Variants in PCSK9 observed in about 807,000 individuals in gnomAD.
PCSK9 encodes convertase subtilisin/kexin type 9 preproprotein.
Under a neutral mutation model 62.1 loss-of-function variants are expected in PCSK9, and 57 were observed. The ratio of observed to expected loss-of-function variants is 0.92; its 90% CI spans 0.74 to 1.14. The LOEUF is 1.14. PCSK9 is among the 50% of genes most tolerant of loss of function. PCSK9 has a pLI of 0.00. For synonymous variants in PCSK9, 387 were observed against 409.4 expected (o/e 0.95, Z 0.66); for missense variants, 870 against 959.8 (o/e 0.91, Z 1.24).
intron 1 of PCSK9, among the ~76,000 whole-genome samples, chr1:55,042,995 C>T (rs1204773931): frequency 6.6e-6 from 1 of 152,194 alleles, no homozygotes; most frequent in Non-Finnish European, 1.5e-5. Flanking sequence ...CTTCTCTTGC[C>T]ATGTGATTGA....
In PCSK9 at chr1:55,058,209, G is replaced by C. The variant is rs1173147037; in HGVS notation, c.1354G>C (p.Gly452Arg). The change falls in exon 8 of 12, where the codon GGT (glycine) becomes CGT (arginine). Residue 452 changes from glycine to arginine, a missense_variant and splice_region_variant. Physicochemically the swap from Gly to Arg is moderately radical, Grantham distance 125. Coordinates refer to ENST00000302118, the MANE Select transcript of PCSK9 (RefSeq NM_174936.4). Reference sequence around the variant, plus strand: ...CCTGCCCCCCAGCACCCATGGGGCAGGTAAGCAGGATGGCAGGGTGGGCAA... The same window carrying C: ...CCTGCCCCCCAGCACCCATGGGGCACGTAAGCAGGATGGCAGGGTGGGCAA... ...AALPPSTHGA[G>R]WQLFCRTVWS... The C allele has an allele frequency of 6.2e-7, 1 of 1,611,666 alleles. No homozygotes were observed. The highest frequency in any genetic ancestry group is 1.1e-5 in the South Asian group (1 of 91,030).
At chr1:55,055,893 T>C in intron 5 of PCSK9, 100 bp from the exon 6 acceptor site, 7 of 1,228,390 alleles carry the variant, frequency 5.7e-6, no homozygotes, top group Non-Finnish European at 7.8e-6. Flanking sequence ...GGCCACAAAG[T>C]TGATCCCCAA....
At chr1:55,057,832 C>A (rs1644726833) in intron 7 of PCSK9, among the ~76,000 whole-genome samples, 1 of 152,212 alleles carries the variant, frequency 6.6e-6, no homozygotes, top group Non-Finnish European at 1.5e-5. Context: ...AAGACAGCAA[C>A]TACCAAGGCT....
At chr1:55,044,785 A>G (rs1206656044) in intron 2 of PCSK9, among the ~76,000 whole-genome samples, 4 of 152,184 alleles carry the variant, frequency 2.6e-5, no homozygotes, top group Non-Finnish European at 5.9e-5. Flanking sequence ...GGGCAGGGTC[A>G]GAGTCTGGAG....
At chr1:55,045,395 T>C (rs2495479) in intron 2 of PCSK9, among the ~76,000 whole-genome samples, 12,950 of 152,158 alleles carry the variant, frequency 0.085, 768 homozygotes, top group African/African-American at 0.16. Flanking sequence ...GTTATAATAA[T>C]TGGAACATTC....
chr1:55,045,634 G>A (rs1370129868), intron 2 of PCSK9, among the ~76,000 whole-genome samples: 5 of 152,064 alleles, frequency 3.3e-5, no homozygotes, highest in Admixed American at 6.5e-5. Context: ...GGAATCACCC[G>A]AGGGTTCACC....
chr1:55,043,503 G>A (rs1464410881), intron 1 of PCSK9, among the ~76,000 whole-genome samples: 2 of 152,218 alleles, frequency 1.3e-5, no homozygotes, highest in African/African-American at 2.4e-5. Flanking sequence ...CTGGGGCATG[G>A]GGGAGGGGGT....
At chr1:55,048,658 G>C (rs1289910389) in intron 3 of PCSK9, among the ~76,000 whole-genome samples, 1 of 152,196 alleles carries the variant, frequency 6.6e-6, no homozygotes, top group Non-Finnish European at 1.5e-5. Flanking sequence ...TTCATTCATG[G>C]GGAGGCCACA....
In PCSK9 at chr1:55,043,839, C is replaced by T. The variant is rs1644614434; in HGVS notation, c.208-4C>T. On this transcript the variant is annotated splice_polypyrimidine_tract_variant and splice_region_variant and intron_variant, in intron 1 of 11. Transcript: ENST00000302118. Reference sequence around the variant, plus strand: ...TCATCATGTTCCTCCTTGCATGGGGCCAGGATCCGTGGAGGTTGCCTGGCA... The same window carrying T: ...TCATCATGTTCCTCCTTGCATGGGGTCAGGATCCGTGGAGGTTGCCTGGCA... 1 of 1,613,944 alleles carries T rather than the reference C, an allele frequency of 6.2e-7. No homozygotes were observed.
At chr1:55,054,155 GGGCAGATCACCTGAGGTCA>G (rs1237571876) in intron 5 of PCSK9, among the ~76,000 whole-genome samples, 1 of 152,132 alleles carries the variant, frequency 6.6e-6, no homozygotes, top group Admixed American at 6.5e-5. Context: ...AGGCCGAGGT[GGGCAGATCACCTGAGGTCA>G]GGAGTTCGAG....
In PCSK9 at chr1:55,039,781, G is replaced by A; in HGVS notation, c.-57G>A. ...CAAGGCTCAAGGCGCCGCCGGCGTG[G>A]ACCGCGCACGGCCTCTAGGTCTCCT... On this transcript the variant is annotated 5_prime_UTR_variant, in exon 1 of 12. Coordinates refer to ENST00000302118, the MANE Select transcript of PCSK9 (RefSeq NM_174936.4). The A allele has an allele frequency of 6.4e-7, 1 of 1,557,432 alleles. No homozygotes were observed. Among genetic ancestry groups the A allele is most frequent in the Non-Finnish European group, 8.7e-7 (1 of 1,148,804 alleles).
chr1:55,062,929 G>A (rs980169319), intron 11 of PCSK9, among the ~76,000 whole-genome samples: 7 of 152,060 alleles, frequency 4.6e-5, no homozygotes, highest in East Asian at 1.9e-4. Flanking sequence ...GGGTCCAGGC[G>A]TTGGGGCGGG....
intron 3 of PCSK9, among the ~76,000 whole-genome samples, chr1:55,048,056 C>T (rs147382971): frequency 7.7e-4 from 118 of 152,290 alleles, no homozygotes; most frequent in African/African-American, 2.8e-3. Context: ...GACAAATTAC[C>T]ACCCCCTCGG....
intron 3 of PCSK9, 51 bp from the exon 4 acceptor site, chr1:55,052,215 TGTTAACTATAAG>T (rs1644679371): frequency 1.9e-6 from 3 of 1,608,220 alleles, no homozygotes; most frequent in Non-Finnish European, 2.6e-6. Context: ...AGTTTCTGTG[TGTTAACTATAAG>T]GTTGACTTTA....
At position 55,061,540 on chromosome 1, in the gene PCSK9, C is replaced by A. The variant is rs755750316; in HGVS notation, c.1847C>A (p.Pro616Gln). The change falls in exon 11 of 12, where the codon CCG becomes CAG. Residue 616 changes from proline (P) to glutamine (Q), a missense_variant. Pro to Gln is a moderately conservative substitution (Grantham distance 76, BLOSUM62 -1). Coordinates refer to ENST00000302118, the MANE Select transcript of PCSK9 (RefSeq NM_174936.4). ...TGCAAAGTCAAGGAGCATGGAATCCCGGCCCCTCAGGAGCAGGTGAAGAGG... is the reference window on the plus strand; with the variant it reads ...TGCAAAGTCAAGGAGCATGGAATCCAGGCCCCTCAGGAGCAGGTGAAGAGG... ...LECKVKEHGI[P>Q]APQEQVTVAC... 41 of 1,598,766 alleles carry A rather than the reference C, an allele frequency of 2.6e-5. No homozygotes were observed. Among genetic ancestry groups the A allele is most frequent in the Non-Finnish European group, 3.2e-5 (37 of 1,173,086 alleles).
At position 55,040,604 on chromosome 1, in the gene PCSK9, A is replaced by G. The variant is rs1050228989; in HGVS notation, c.207+560A>G. Among the ~76,000 whole-genome samples the G allele has an allele frequency of 6.6e-6, 1 of 152,178 alleles. No homozygotes were observed. Among genetic ancestry groups the G allele is most frequent in the African/African-American group, 2.4e-5 (1 of 41,430 alleles). On this transcript the variant is annotated intron_variant, in intron 1 of 11. Coordinates refer to ENST00000302118, the MANE Select transcript of PCSK9 (RefSeq NM_174936.4). The surrounding 1 kb of genome is among the most constrained non-coding windows in gnomAD (Gnocchi z 4.1). Reference sequence around the variant, plus strand: ...GCTGGGAGCACGAGGCAATTTCTTTATGACACAGAACTCATGCTCTAGTAT... The same window carrying G: ...GCTGGGAGCACGAGGCAATTTCTTTGTGACACAGAACTCATGCTCTAGTAT...
intron 2 of PCSK9, among the ~76,000 whole-genome samples, chr1:55,045,716 A>G (rs1343401432): frequency 1.4e-5 from 2 of 139,774 alleles, no homozygotes; most frequent in African/African-American, 5.5e-5. Context: ...TTTTTTTTTG[A>G]GACTCTGTTG....
chr1:55,056,244 C>T (rs758576160), intron 6 of PCSK9, 55 bp downstream of exon 6: 3 of 22,166 alleles, frequency 1.4e-4, no homozygotes, highest in South Asian at 2.2e-3. Flanking sequence ...GGGCGGAGGG[C>T]GGAGGGAGGG....
chr1:55,052,717 C>T lies in PCSK9; in HGVS notation c.725C>T (p.Ala242Val), dbSNP rs374014696. 5 of 1,613,184 alleles carry T rather than the reference C, an allele frequency of 3.1e-6. No homozygotes were observed. The highest frequency in any genetic ancestry group is 4.2e-6 in the Non-Finnish European group (5 of 1,180,012). Residue 242 changes from alanine (A) to valine (V), a missense_variant, in exon 5 of 12, where the codon GCC (alanine) becomes GTC (valine). Physicochemically the swap from Ala to Val is moderately conservative, Grantham distance 64. Coordinates refer to ENST00000302118, the MANE Select transcript of PCSK9 (RefSeq NM_174936.4). ...GTCAGCGGCCGGGATGCCGGCGTGG[C>T]CAAGGGTGCCAGCATGCGCAGCCTG... The part of the protein sequence containing the change: ...GVVSGRDAGV[A>V]KGASMRSLRV...
Sources: allele counts gnomAD v4.1 joint callset (sites outside exome capture counted in the v4.1 genomes callset), GRCh38; gene constraint gnomAD v4.1.1; non-coding constraint Gnocchi (gnomAD v3.1); transcripts MANE v1.5; gene names NCBI Gene and HGNC (gene_info 2026-07-23, HGNC 2026-07-21).